The following MAF variants were observed in gnomAD, a reference collection of about 807,000 sequenced individuals.
The protein encoded by MAF is MAF bZIP transcription factor.
In MAF, 10 loss-of-function variants were observed where a neutral mutation model predicts 22.0. That is an observed-to-expected ratio of 0.45 (90% confidence interval 0.28 to 0.77). MAF has a LOEUF of 0.77. Ranked by LOEUF, MAF falls within the 30% of genes least tolerant of loss-of-function variation. The pLI is 0.12. For missense variants in MAF, 544 were observed against 548.4 expected, an observed-to-expected ratio of 0.99 and a Z score of 0.08; for synonymous variants, 337 against 255.8, an observed-to-expected ratio of 1.32 and a Z score of -3.03.
the MAF span, among the ~76,000 whole-genome samples, chr16:79,532,529 G>A: frequency 4.6e-5 from 7 of 152,304 alleles, no homozygotes; most frequent in Non-Finnish European, 7.3e-5. Flanking sequence ...TCTCGACTCC[G>A]GAGAGAGGCC....
downstream of MAF, among the ~76,000 whole-genome samples, chr16:79,584,820 C>G (rs896244617): frequency 2.6e-5 from 4 of 152,154 alleles, no homozygotes; most frequent in Non-Finnish European, 5.9e-5. Context: ...AAAATATTCA[C>G]AATCCAGTAA....
chr16:79,594,498 G>T lies in MAF; in HGVS notation c.1174C>A (p.Pro392Thr). ...ACACTGGTAAGTACACGATGCTGGG[G>T]CTTCCAAAATGTGGCGTATCCCACT... Reference protein sequence around the residue: ...PSVGYATFWKPQHRVLTSVFT... With the variant: ...PSVGYATFWKTQHRVLTSVFT... Residue 392 changes from proline (P) to threonine (T), a missense_variant, in exon 2 of 2, where the codon CCC (proline) becomes ACC (threonine). By Grantham distance (38) the Pro-to-Thr change is conservative. This residue lies in a region of MAF where 129 missense variants were observed against 113.6 expected (regional missense o/e 1.14). Coordinates refer to ENST00000326043, the MANE Select transcript of MAF (RefSeq NM_005360.5). The T allele has an allele frequency of 6.4e-7, 1 of 1,567,360 alleles. No homozygotes were observed. The highest frequency in any genetic ancestry group is 8.7e-7 in the Non-Finnish European group (1 of 1,153,266).
the MAF span, among the ~76,000 whole-genome samples, chr16:79,249,147 C>T: frequency 2.0e-5 from 3 of 152,172 alleles, no homozygotes; most frequent in East Asian, 3.9e-4. Flanking sequence ...AGGCCGGGTG[C>T]GGTGGCTCAC....
chr16:79,215,173 T>C, the MAF span, among the ~76,000 whole-genome samples: 1 of 152,184 alleles, frequency 6.6e-6, no homozygotes, highest in South Asian at 2.1e-4. Context: ...GATTTCAAGG[T>C]CATGCAGATT....
the MAF span, among the ~76,000 whole-genome samples, chr16:79,444,342 A>G: frequency 9.9e-5 from 15 of 152,196 alleles, no homozygotes; most frequent in African/African-American, 1.7e-4. Context: ...CATACAATGC[A>G]TACGTATTAT....
chr16:79,225,867 AGTC>A, the MAF span, among the ~76,000 whole-genome samples: 1 of 152,212 alleles, frequency 6.6e-6, no homozygotes, highest in African/African-American at 2.4e-5. Context: ...ATCATTAAAA[AGTC>A]AGGAAAGAAC....
At chr16:79,323,509 G>T in the MAF span, among the ~76,000 whole-genome samples, 1 of 152,170 alleles carries the variant, frequency 6.6e-6, no homozygotes, top group African/African-American at 2.4e-5. Flanking sequence ...ACTTCAGCTT[G>T]CAAGACCCAT....
At chr16:79,459,311 C>T in the MAF span, among the ~76,000 whole-genome samples, 2 of 152,082 alleles carry the variant, frequency 1.3e-5, no homozygotes, top group African/African-American at 4.8e-5. Context: ...TTTTTCCTAC[C>T]TCCCATGTGA....
chr16:79,308,842 T>C, the MAF span, among the ~76,000 whole-genome samples: 1 of 152,132 alleles, frequency 6.6e-6, no homozygotes, highest in Non-Finnish European at 1.5e-5. Flanking sequence ...GTCCTCTCCA[T>C]GGTCCACGCT....
chr16:79,309,323 G>A, the MAF span, among the ~76,000 whole-genome samples: 1 of 152,168 alleles, frequency 6.6e-6, no homozygotes, highest in Non-Finnish European at 1.5e-5. Flanking sequence ...GCTATTTGTA[G>A]AAGATTCGCT....
the MAF span, among the ~76,000 whole-genome samples, chr16:79,412,146 G>A: frequency 1.3e-5 from 2 of 152,196 alleles, no homozygotes; most frequent in Admixed American, 1.3e-4. Context: ...TCACAGGCCT[G>A]TGACTGGGGG....
chr16:79,355,940 C>T, the MAF span, among the ~76,000 whole-genome samples: 1 of 152,074 alleles, frequency 6.6e-6, no homozygotes, highest in Non-Finnish European at 1.5e-5. Context: ...AAAATAGCCT[C>T]GTAATCCTTC....
the MAF span, among the ~76,000 whole-genome samples, chr16:79,450,642 T>C: frequency 0.014 from 2,154 of 152,298 alleles, 49 homozygotes; most frequent in African/African-American, 0.049. Flanking sequence ...ATGTGGTTTT[T>C]ATAAGGCTAT....
At chr16:79,257,239 A>C in the MAF span, among the ~76,000 whole-genome samples, 3 of 152,070 alleles carry the variant, frequency 2.0e-5, no homozygotes, top group Non-Finnish European at 4.4e-5. Flanking sequence ...AATCTGAATG[A>C]GGTGTGTTGT....
chr16:79,288,268 T>C, the MAF span, among the ~76,000 whole-genome samples: 4 of 152,200 alleles, frequency 2.6e-5, no homozygotes, highest in African/African-American at 2.4e-5. Context: ...CTTTGACTAA[T>C]AGTGTACAGT....
the MAF span, among the ~76,000 whole-genome samples, chr16:79,346,915 C>G: frequency 1.3e-5 from 2 of 152,084 alleles, no homozygotes; most frequent in Non-Finnish European, 2.9e-5. Context: ...TCAAAATAAT[C>G]CCATTAGGTT....
chr16:79,537,012 C>T, the MAF span, among the ~76,000 whole-genome samples: 1 of 152,300 alleles, frequency 6.6e-6, no homozygotes, highest in East Asian at 1.9e-4. Flanking sequence ...TAGACACATG[C>T]ATCAGGCATC....
the MAF span, among the ~76,000 whole-genome samples, chr16:79,341,050 G>A: frequency 4.6e-5 from 7 of 152,192 alleles, no homozygotes; most frequent in Admixed American, 4.6e-4. Context: ...AAGGGACCAA[G>A]GCCTGCAGCA....
the MAF span, among the ~76,000 whole-genome samples, chr16:79,259,039 C>T: frequency 6.6e-6 from 1 of 152,152 alleles, no homozygotes; most frequent in African/African-American, 2.4e-5. Flanking sequence ...GTTAAAAATT[C>T]TCCTCCTTCT....
Sources: gnomAD v4.1 joint callset for allele counts (sites outside exome capture counted in the v4.1 genomes callset) on GRCh38, gnomAD v4.1.1 for gene constraint, gnomAD v4.1.1 regional missense constraint, MANE v1.5 for transcripts, NCBI Gene and HGNC (gene_info 2026-07-23, HGNC 2026-07-21) for gene names.